Variants in PCDH11X observed in about 807,000 individuals in gnomAD.
The protein encoded by PCDH11X is protocadherin 11 X-linked, also known as protocadherin-11 X-linked.
In PCDH11X, 18 loss-of-function variants were observed where a neutral mutation model predicts 53.3. That is an observed-to-expected ratio of 0.34 (90% confidence interval 0.23 to 0.50). The LOEUF is 0.50. PCDH11X is among the 20% of genes least tolerant of loss of function. The pLI is 0.98. For missense variants in PCDH11X, 570 were observed against 1,032.4 expected, an observed-to-expected ratio of 0.55 and a Z score of 6.14; for synonymous variants, 279 against 393.3, an observed-to-expected ratio of 0.71 and a Z score of 3.44.
chrX:92,345,434 A>T, intron 8 of PCDH11X, among the ~76,000 whole-genome samples: 1 of 110,624 alleles, frequency 9.0e-6, no homozygotes, highest in Admixed American at 9.7e-5. Context: ...ACCACAGAGA[A>T]AATGACTTAG....
At chrX:91,925,765 T>G (rs1206862831) in intron 6 of PCDH11X, among the ~76,000 whole-genome samples, 1 of 110,983 alleles carries the variant, frequency 9.0e-6, no homozygotes. Context: ...ACTCTCAAGA[T>G]TGAGAAAATA....
chrX:92,273,402 C>T (rs181984636), intron 8 of PCDH11X, among the ~76,000 whole-genome samples: 12 of 111,303 alleles, frequency 1.1e-4, no homozygotes, highest in Middle Eastern at 4.6e-3. Context: ...TCAGTTAAGG[C>T]GGGGCAGGGC....
intron 10 of PCDH11X, among the ~76,000 whole-genome samples, chrX:92,495,251 T>A (rs1192330935): frequency 9.0e-6 from 1 of 110,779 alleles, no homozygotes; most frequent in Non-Finnish European, 1.9e-5. Context: ...CAGTTGCCCC[T>A]CAATCCCAAT....
At chrX:92,276,455 C>T (rs926983457) in intron 8 of PCDH11X, among the ~76,000 whole-genome samples, 1 of 110,291 alleles carries the variant, frequency 9.1e-6, no homozygotes, top group Non-Finnish European at 1.9e-5. Flanking sequence ...AGATGGGACA[C>T]AGCTTAGGAG....
At chrX:92,367,772 T>C (rs2070510666) in intron 8 of PCDH11X, among the ~76,000 whole-genome samples, 2 of 111,855 alleles carry the variant, frequency 1.8e-5, no homozygotes, top group African/African-American at 6.5e-5. Context: ...TTTGGCTGGA[T>C]ATGAAATTCT....
At chrX:92,017,062 G>A (rs1283974438) in intron 6 of PCDH11X, among the ~76,000 whole-genome samples, 1 of 100,952 alleles carries the variant, frequency 9.9e-6, no homozygotes. Context: ...CATGGAAAGG[G>A]CCAGTTCACG....
intron 10 of PCDH11X, among the ~76,000 whole-genome samples, chrX:92,487,048 C>CTTT (rs758641899): frequency 0.038 from 2,551 of 67,734 alleles, 282 homozygotes; most frequent in East Asian, 0.13. Context: ...AATATGCTTC[C>CTTT]TTTTTTTTTT....
At chrX:92,269,714 AT>A (rs917539142) in intron 8 of PCDH11X, among the ~76,000 whole-genome samples, 4 of 111,184 alleles carry the variant, frequency 3.6e-5, no homozygotes, top group African/African-American at 1.3e-4. Context: ...CAATAAAAAA[AT>A]ATATAAAATA....
intron 6 of PCDH11X, among the ~76,000 whole-genome samples, chrX:91,967,303 G>T (rs2061880286): frequency 9.1e-6 from 1 of 110,323 alleles, no homozygotes; most frequent in East Asian, 2.9e-4. Flanking sequence ...CCTATCCATG[G>T]CCTGTTAGGA....
chrX:92,025,734 A>G (rs1467853241), intron 6 of PCDH11X, among the ~76,000 whole-genome samples: 4 of 105,912 alleles, frequency 3.8e-5, no homozygotes, highest in South Asian at 4.4e-4. Context: ...AAATCATTCT[A>G]CTATAAAGAC....
At chrX:92,592,865 T>A (rs769477846) in intron 10 of PCDH11X, among the ~76,000 whole-genome samples, 6 of 112,211 alleles carry the variant, frequency 5.3e-5, no homozygotes, top group African/African-American at 1.6e-4. Context: ...AGATGTTGTT[T>A]TAAAGTCCCT....
intron 8 of PCDH11X, among the ~76,000 whole-genome samples, chrX:92,350,695 A>C: frequency 9.0e-6 from 1 of 111,140 alleles, no homozygotes. Flanking sequence ...TAGTTCTTGG[A>C]GCAAAAGTCC....
intron 6 of PCDH11X, among the ~76,000 whole-genome samples, chrX:91,974,708 G>A (rs1200527863): frequency 1.8e-5 from 2 of 109,402 alleles, no homozygotes; most frequent in South Asian, 4.0e-4. Context: ...AGACATGGCA[G>A]GCCTTTGCCT....
Position 91,878,296 on chromosome X carries a change from C to G in PCDH11X, c.2056C>G (p.Leu686Val). 8.3e-7 allele frequency: 1 copy of G among 1,211,100 alleles called. No homozygotes were observed. Among genetic ancestry groups the G allele is most frequent in the Non-Finnish European group, 1.1e-6 (1 of 895,378 alleles). ...TTCCAACTGTTCTTATGAATTGGTT[C>G]TACCGTCCACTAATCCAGGCACAGT... ...PPSNCSYELV[L>V]PSTNPGTVVF... Residue 686 changes from leucine to valine, a missense_variant, in exon 6 of 11, where the codon CTA becomes GTA. By Grantham distance (32) the Leu-to-Val change is conservative (BLOSUM62 1). Coordinates refer to ENST00000682573, the MANE Select transcript of PCDH11X (RefSeq NM_032968.5).
At chrX:92,536,657 T>C (rs2074664540) in intron 10 of PCDH11X, among the ~76,000 whole-genome samples, 1 of 90,862 alleles carries the variant, frequency 1.1e-5, no homozygotes, top group Non-Finnish European at 2.2e-5. Flanking sequence ...AAAAGCCTTT[T>C]TTTTTTTTTT....
rs773915286 is a variant in PCDH11X, at chrX:92,202,526, G to A, written c.3114+1071G>A. On this transcript the variant is annotated intron_variant, in intron 7 of 10. Transcript: ENST00000682573. Reference sequence around the variant, plus strand: ...CCTGATGGTCACCTGACATTCCTGGGGGAGAAGCATCTTCTGCCCTGCTCA... The same window carrying A: ...CCTGATGGTCACCTGACATTCCTGGAGGAGAAGCATCTTCTGCCCTGCTCA... Among the ~76,000 whole-genome samples the A allele has an allele frequency of 1.2e-4, 13 of 111,043 alleles. No homozygotes were observed. In the East Asian group the frequency reaches 1.7e-3, roughly 15 times the overall value.
chrX:91,922,371 G>A (rs1941775498), intron 6 of PCDH11X, among the ~76,000 whole-genome samples: 1 of 111,446 alleles, frequency 9.0e-6, no homozygotes, highest in African/African-American at 3.3e-5. Flanking sequence ...TGTCTAGCTC[G>A]AGTCCATACT....
intron 10 of PCDH11X, among the ~76,000 whole-genome samples, chrX:92,488,660 A>C (rs768407): frequency 0.32 from 35,097 of 108,146 alleles, 4,616 homozygotes; most frequent in Middle Eastern, 0.41. Flanking sequence ...TGTTGTTTGT[A>C]TTCTAAATTC....
intron 8 of PCDH11X, among the ~76,000 whole-genome samples, chrX:92,281,272 G>A (rs1044659437): frequency 4.5e-5 from 5 of 111,274 alleles, no homozygotes; most frequent in East Asian, 5.6e-4. Context: ...ACATACACAC[G>A]CATACATACA....
Sources: allele counts gnomAD v4.1 joint callset (sites outside exome capture counted in the v4.1 genomes callset), GRCh38; gene constraint gnomAD v4.1.1; transcripts MANE v1.5; gene names NCBI Gene and HGNC (gene_info 2026-07-23, HGNC 2026-07-21).